The following ZNF674 variants were observed in gnomAD, a reference collection of about 807,000 sequenced individuals.
The protein encoded by ZNF674 is zinc finger protein 674, also known as zinc finger family member 674.
Under a neutral mutation model 7.0 loss-of-function variants are expected in ZNF674, and 2 were observed. The observed-to-expected ratio is 0.29, with a 90% CI of 0.12 to 0.90. The LOEUF (loss-of-function observed/expected upper bound fraction) is 0.90. ZNF674 is among the 40% of genes least tolerant of loss of function. The pLI is 0.57. For synonymous variants in ZNF674, 103 were observed against 145.2 expected (o/e 0.71, Z 2.09); for missense variants, 297 against 415.5 (o/e 0.71, Z 2.48).
intron 5 of ZNF674, among the ~76,000 whole-genome samples, chrX:46,512,517 T>C (rs59132642): frequency 0.016 from 1,802 of 110,267 alleles, 35 homozygotes; most frequent in African/African-American, 0.055. Context: ...TCCCAGCACT[T>C]TGGGAGGCCG....
At chrX:46,544,828 T>C (rs186116772) in intron 1 of ZNF674, among the ~76,000 whole-genome samples, 566 of 111,969 alleles carry the variant, frequency 5.1e-3, no homozygotes, top group African/African-American at 0.017. Flanking sequence ...GACTGGCTGC[T>C]GTGCCACTTT....
chrX:46,528,022 A>T, intron 5 of ZNF674: 1 of 351,824 alleles, frequency 2.8e-6, no homozygotes, highest in Non-Finnish European at 5.0e-6. Context: ...AAAAAGTTCT[A>T]AAAGCTTCCA....
chrX:46,535,688 A>G (rs1942188089), intron 3 of ZNF674, among the ~76,000 whole-genome samples: 1 of 112,136 alleles, frequency 8.9e-6, no homozygotes, highest in Non-Finnish European at 1.9e-5. Context: ...AAAAACACCA[A>G]AGAAGTTATA....
At chrX:46,543,312 CTTGT>C (rs1940302189) in intron 2 of ZNF674, among the ~76,000 whole-genome samples, 1 of 112,256 alleles carries the variant, frequency 8.9e-6, no homozygotes, top group Admixed American at 9.5e-5. Flanking sequence ...TTTTAATTTT[CTTGT>C]TTATTTGCAT....
rs1941399901 is a variant in ZNF674, at chrX:46,500,511, T to C, written c.1063A>G (p.Ser355Gly). 5 of 1,211,942 alleles carry C rather than the reference T, an allele frequency of 4.1e-6. No individual in the cohort carries two copies. Among genetic ancestry groups the C allele is most frequent in the Non-Finnish European group, 4.5e-6 (4 of 895,237 alleles). ...RIHTSEKPQC[S>G]EHGKASDEKP... ...TCATCAGAGGCTTTCCCATGTTCAC[T>C]GCACTGAGGTTTCTCACTTGTGTGA... Residue 355 changes from serine to glycine, a missense_variant, in exon 6 of 6, where the codon AGT becomes GGT. Coordinates refer to ENST00000683375, the MANE Select transcript of ZNF674 (RefSeq NM_001190417.2).
At chrX:46,507,856 T>C (rs1941570356) in intron 5 of ZNF674, among the ~76,000 whole-genome samples, 1 of 111,793 alleles carries the variant, frequency 8.9e-6, no homozygotes, top group Non-Finnish European at 1.9e-5. Flanking sequence ...ATACCAAAAA[T>C]AATACCTGGG....
chrX:46,541,253 C>T (rs1166607433), intron 3 of ZNF674, among the ~76,000 whole-genome samples: 9 of 99,845 alleles, frequency 9.0e-5, no homozygotes, highest in African/African-American at 3.0e-4. Flanking sequence ...CCCAGGTACT[C>T]GGTTGGCTGA....
chrX:46,540,953 A>C (rs1369452788), intron 3 of ZNF674, among the ~76,000 whole-genome samples: 1 of 108,712 alleles, frequency 9.2e-6, no homozygotes, highest in Non-Finnish European at 1.9e-5. Context: ...AATCCCAGCT[A>C]CTTGGAAGGC....
At position 46,515,998 on chromosome X, in the gene ZNF674, T is replaced by C. The variant is rs1941757805; in HGVS notation, c.238+12352A>G. Among the ~76,000 whole-genome samples the C allele has an allele frequency of 5.4e-5, 6 of 111,933 alleles. No homozygotes were observed. The Admixed American group carries it at 5.8e-4, about 11-fold the overall frequency. ...CTAAATCAGTACTTAGAGATAGTTA[T>C]GGCATTCACAATGCTTATATTAGAA... On this transcript the variant is annotated intron_variant, in intron 5 of 5. Coordinates refer to ENST00000683375, the MANE Select transcript of ZNF674 (RefSeq NM_001190417.2).
At chrX:46,506,388 G>A (rs1156951706) in intron 5 of ZNF674, among the ~76,000 whole-genome samples, 1 of 105,575 alleles carries the variant, frequency 9.5e-6, no homozygotes, top group Non-Finnish European at 1.9e-5. Context: ...CAGCTGTCTG[G>A]CCCTGTAGCA....
At chrX:46,534,957 T>G (rs1435583596) in intron 3 of ZNF674, among the ~76,000 whole-genome samples, 1 of 110,271 alleles carries the variant, frequency 9.1e-6, no homozygotes, top group Non-Finnish European at 1.9e-5. Context: ...GCCAGGCTGG[T>G]CTCGAACTCC....
chrX:46,507,308 A>G (rs1419452410), intron 5 of ZNF674, among the ~76,000 whole-genome samples: 1 of 111,768 alleles, frequency 8.9e-6, no homozygotes, highest in African/African-American at 3.2e-5. Flanking sequence ...GCAGTAAGCC[A>G]AGACCATACC....
Position 46,499,233 on chromosome X carries a change from GT to G in ZNF674, c.*609del, listed in dbSNP as rs2146584256. On this transcript the variant is annotated 3_prime_UTR_variant, in exon 6 of 6. Transcript: ENST00000683375. ...GCTGGAGTGCAGTGGCACGATCTCA[GT>G]TCACTGCAACCTCTGCCTCCTGGGC... 8.9e-6 allele frequency: 1 copy of G among 112,149 alleles called. No individual in the cohort carries two copies. The highest frequency in any genetic ancestry group is 3.7e-4 in the South Asian group (1 of 2,699). The allele number at this position is 112,149 out of a possible 1,213,427, so 9.2% of individuals were successfully genotyped here.
rs760562135 is a variant in ZNF674 at position 46,499,934 on chromosome X, G to A, written c.1640C>T (p.Pro547Leu). The A allele has an allele frequency of 1.7e-6, 2 of 1,185,430 alleles. No individual in the cohort carries two copies. The highest frequency in any genetic ancestry group is 2.3e-6 in the Non-Finnish European group (2 of 881,726). ...TTTCCCACAGTCTCTGCATTCATAAGGTTTCTCTCCTGTATGAGTTCTGTG... is the reference window on the plus strand; with the variant it reads ...TTTCCCACAGTCTCTGCATTCATAAAGTTTCTCTCCTGTATGAGTTCTGTG... ...VHHRTHTGEK[P>L]YECRDCGKAF... Residue 547 changes from proline (P) to leucine (L), a missense_variant, in exon 6 of 6, where the codon CCT becomes CTT. Transcript: ENST00000683375.
At chrX:46,520,205 C>G (rs1941881501) in intron 5 of ZNF674, among the ~76,000 whole-genome samples, 1 of 110,494 alleles carries the variant, frequency 9.1e-6, no homozygotes, top group Admixed American at 9.8e-5. Context: ...AGTTCGAGAC[C>G]AGCCTGGCCA....
In ZNF674 at chrX:46,499,568, C is replaced by T. The variant is rs979018170; in HGVS notation, c.*275G>A. The T allele has an allele frequency of 2.4e-5, 5 of 204,766 alleles. No individual in the cohort carries two copies. The highest frequency in any genetic ancestry group is 4.4e-5 in the Non-Finnish European group (5 of 113,372). 16.9% of individuals were successfully genotyped at this position (204,766 alleles called of 1,213,427 possible). ...TATTTCTGAAGGCTTTCCCACATAA[C>T]TACATTCAGTTTTGCCCCTTTTGAA... On this transcript the variant is annotated 3_prime_UTR_variant, in exon 6 of 6. Coordinates refer to ENST00000683375, the MANE Select transcript of ZNF674 (RefSeq NM_001190417.2).
chrX:46,514,346 TAGAGA>T (rs745491784), intron 5 of ZNF674, among the ~76,000 whole-genome samples: 1 of 110,978 alleles, frequency 9.0e-6, no homozygotes, highest in Admixed American at 9.7e-5. Context: ...TCTGTGGTAG[TAGAGA>T]AGAGGTTGCG....
Position 46,500,191 on chromosome X carries a change from C to A in ZNF674, c.1383G>T (p.Glu461Asp). The change falls in exon 6 of 6, where the codon GAG becomes GAT. Residue 461 changes from glutamate to aspartate, a missense_variant. By Grantham distance (45) the Glu-to-Asp change is conservative (BLOSUM62 2). Transcript: ENST00000683375. ...CACATTCGTTGCATTTATAGGGTTTCTCTCCTGTATGCATTCTCTGATGTA... is the reference window on the plus strand; with the variant it reads ...CACATTCGTTGCATTTATAGGGTTTATCTCCTGTATGCATTCTCTGATGTA... Reference protein sequence around the residue: ...LIVHQRMHTGEKPYKCNECGK... With the variant: ...LIVHQRMHTGDKPYKCNECGK... The A allele has an allele frequency of 8.3e-7, 1 of 1,211,034 alleles. No individual in the cohort carries two copies. The highest frequency in any genetic ancestry group is 1.1e-6 in the Non-Finnish European group (1 of 895,242).
At chrX:46,532,767 G>C (rs1235376347) in intron 3 of ZNF674, among the ~76,000 whole-genome samples, 1 of 111,873 alleles carries the variant, frequency 8.9e-6, no homozygotes, top group Non-Finnish European at 1.9e-5. Flanking sequence ...CCAATCTTTT[G>C]GCTTTCCTGG....
Sources: allele counts gnomAD v4.1 joint callset (sites outside exome capture counted in the v4.1 genomes callset), GRCh38; gene constraint gnomAD v4.1.1; transcripts MANE v1.5; gene names NCBI Gene and HGNC (gene_info 2026-07-23, HGNC 2026-07-21).